CSMD1: variants seen among roughly 807,000 people sequenced by gnomAD.
The protein encoded by CSMD1 is CUB and Sushi multiple domains 1.
A neutral mutation model predicts 417.5 loss-of-function variants in CSMD1; 213 were observed. That is an observed-to-expected ratio of 0.51 (90% CI 0.46 to 0.57). CSMD1 has a LOEUF of 0.57. Ranked by LOEUF, CSMD1 falls within the 20% of genes least tolerant of loss-of-function variation. The pLI is 0.00. For missense variants in CSMD1, 6,923 were observed against 4,529.7 expected, an observed-to-expected ratio of 1.53 and a Z score of -15.17; for synonymous variants, 2,862 against 1,736.8, an observed-to-expected ratio of 1.65 and a Z score of -16.11.
intron 2 of CSMD1, among the ~76,000 whole-genome samples, chr8:4,603,311 C>T (rs1419535943): frequency 6.6e-6 from 1 of 151,736 alleles, no homozygotes; most frequent in Non-Finnish European, 1.5e-5. Flanking sequence ...TTTTTGTATT[C>T]AACTCTATTT....
intron 1 of CSMD1, among the ~76,000 whole-genome samples, chr8:4,718,857 T>A (rs1160531338): frequency 6.6e-6 from 1 of 152,098 alleles, no homozygotes; most frequent in Non-Finnish European, 1.5e-5. Context: ...CCCTAAAAAG[T>A]ACCAAAATGT....
intron 3 of CSMD1, among the ~76,000 whole-genome samples, chr8:4,379,631 C>T (rs934079984): frequency 1.3e-5 from 2 of 151,588 alleles, no homozygotes; most frequent in Non-Finnish European, 2.9e-5. Context: ...GATTTATTAA[C>T]ACCAAAATGA....
intron 3 of CSMD1, among the ~76,000 whole-genome samples, chr8:4,167,760 C>A (rs1005333524): frequency 7.9e-5 from 12 of 152,122 alleles, no homozygotes; most frequent in Admixed American, 7.9e-4. Flanking sequence ...GAGACCAAGG[C>A]AGGAGGATTG....
intron 2 of CSMD1, among the ~76,000 whole-genome samples, chr8:4,547,448 G>GA (rs931257954): frequency 6.6e-6 from 1 of 151,954 alleles, no homozygotes; most frequent in Non-Finnish European, 1.5e-5. Flanking sequence ...GATTGAAAAA[G>GA]AAAAAAAGAA....
chr8:3,069,266 C>T (rs572781022), intron 49 of CSMD1, among the ~76,000 whole-genome samples: 17 of 151,848 alleles, frequency 1.1e-4, no homozygotes, highest in South Asian at 4.2e-4. Flanking sequence ...AACACCCTGT[C>T]GCTACTAAAA....
At chr8:4,719,100 G>C (rs1808878853) in intron 1 of CSMD1, among the ~76,000 whole-genome samples, 1 of 152,096 alleles carries the variant, frequency 6.6e-6, no homozygotes, top group South Asian at 2.1e-4. Context: ...GTTGGTTTCT[G>C]CACAAAGAAG....
At chr8:3,793,292 A>G (rs190931209) in intron 5 of CSMD1, among the ~76,000 whole-genome samples, 4 of 152,250 alleles carry the variant, frequency 2.6e-5, no homozygotes, top group East Asian at 1.9e-4. Flanking sequence ...CAATTTTCCT[A>G]TTTTTAGAAT....
At chr8:4,520,266 T>A (rs979847786) in intron 2 of CSMD1, among the ~76,000 whole-genome samples, 4 of 152,198 alleles carry the variant, frequency 2.6e-5, no homozygotes, top group African/African-American at 9.6e-5. Context: ...ATGGACATAG[T>A]TGCAAAATAA....
chr8:3,893,528 T>C (rs1325487965), intron 5 of CSMD1, among the ~76,000 whole-genome samples: 1 of 151,644 alleles, frequency 6.6e-6, no homozygotes, highest in East Asian at 1.9e-4. Context: ...ATTAAATTTA[T>C]AAATATTATG....
At chr8:3,690,647 A>G (rs1175767966) in intron 7 of CSMD1, among the ~76,000 whole-genome samples, 3 of 152,152 alleles carry the variant, frequency 2.0e-5, no homozygotes, top group African/African-American at 7.2e-5. Context: ...TTCTTTCACT[A>G]ATTTGTCCTT....
intron 57 of CSMD1, among the ~76,000 whole-genome samples, chr8:2,970,620 T>C (rs1585071173): frequency 6.6e-6 from 1 of 152,212 alleles, no homozygotes; most frequent in South Asian, 2.1e-4. Context: ...ATACTGCCGA[T>C]GAGTGATCTT....
At chr8:4,184,556 T>C (rs1798556655) in intron 3 of CSMD1, among the ~76,000 whole-genome samples, 1 of 152,128 alleles carries the variant, frequency 6.6e-6, no homozygotes, top group Non-Finnish European at 1.5e-5. Flanking sequence ...ATTATGTCCT[T>C]TGCATGAGCA....
chr8:3,098,600 T>A (rs570302682), intron 46 of CSMD1, among the ~76,000 whole-genome samples: 1 of 152,310 alleles, frequency 6.6e-6, no homozygotes, highest in Non-Finnish European at 1.5e-5. Context: ...ACACACAGAT[T>A]GAAACAACTG....
At chr8:3,858,563 A>G (rs1804472380) in intron 5 of CSMD1, among the ~76,000 whole-genome samples, 1 of 152,190 alleles carries the variant, frequency 6.6e-6, no homozygotes, top group African/African-American at 2.4e-5. Context: ...GCATAAATGG[A>G]CTACTTTCAC....
chr8:3,198,274 G>T (rs1796806906), intron 33 of CSMD1, among the ~76,000 whole-genome samples: 1 of 152,178 alleles, frequency 6.6e-6, no homozygotes, highest in African/African-American at 2.4e-5. Flanking sequence ...GGCAGACAAG[G>T]TCAGTCACTT....
intron 5 of CSMD1, among the ~76,000 whole-genome samples, chr8:3,856,083 A>T (rs528855163): frequency 6.6e-6 from 1 of 151,968 alleles, no homozygotes; most frequent in East Asian, 1.9e-4. Context: ...CTGTGTTCCC[A>T]CCTAAATCTC....
At chr8:4,589,773 T>C (rs1451763488) in intron 2 of CSMD1, among the ~76,000 whole-genome samples, 1 of 152,202 alleles carries the variant, frequency 6.6e-6, no homozygotes, top group African/African-American at 2.4e-5. Flanking sequence ...AGTTGCCAAC[T>C]TGGGAAAAAA....
At chr8:3,464,263 G>C (rs201896853) in intron 12 of CSMD1, among the ~76,000 whole-genome samples, 1 of 152,118 alleles carries the variant, frequency 6.6e-6, no homozygotes, top group South Asian at 2.1e-4. Context: ...TATAGACAGA[G>C]AAGCCATAAA....
intron 2 of CSMD1, among the ~76,000 whole-genome samples, chr8:4,435,277 T>C (rs1798088738): frequency 6.6e-6 from 1 of 152,220 alleles, no homozygotes; most frequent in Non-Finnish European, 1.5e-5. Flanking sequence ...TTAATCCACC[T>C]ACTGTTCACA....
Sources: gnomAD v4.1 joint callset for allele counts (sites outside exome capture counted in the v4.1 genomes callset) on GRCh38, gnomAD v4.1.1 for gene constraint, MANE v1.5 for transcripts, NCBI Gene and HGNC (gene_info 2026-07-23, HGNC 2026-07-21) for gene names.